Variants in PLCB1 observed in about 807,000 individuals in gnomAD.
The protein encoded by PLCB1 is phospholipase C beta 1.
In PLCB1, 46 loss-of-function variants were observed where a neutral mutation model predicts 161.8. The ratio of observed to expected loss-of-function variants is 0.28; its 90% confidence interval spans 0.22 to 0.36. The LOEUF is 0.36. Ranked by LOEUF, PLCB1 falls within the 10% of genes least tolerant of loss-of-function variation. The pLI, the probability that PLCB1 is intolerant of heterozygous loss-of-function variation, is 1.00. For synonymous variants in PLCB1, 517 were observed against 503.7 expected, an observed-to-expected ratio of 1.03 and a Z score of -0.35; for missense variants, 1,016 against 1,472.5, an observed-to-expected ratio of 0.69 and a Z score of 5.07.
chr20:8,487,683 C>T (rs1355332357), intron 3 of PLCB1, among the ~76,000 whole-genome samples: 1 of 152,170 alleles, frequency 6.6e-6, no homozygotes. Flanking sequence ...ATCTGTTCTT[C>T]AGCTCCTCAG....
chr20:8,682,406 G>A (rs949984110), intron 9 of PLCB1, among the ~76,000 whole-genome samples: 1 of 152,172 alleles, frequency 6.6e-6, no homozygotes, highest in African/African-American at 2.4e-5. Flanking sequence ...GGAGGCTGAG[G>A]CAGGAGGATT....
chr20:8,341,124 A>G (rs966447075), intron 2 of PLCB1, among the ~76,000 whole-genome samples: 9 of 151,828 alleles, frequency 5.9e-5, no homozygotes, highest in African/African-American at 1.4e-4. Flanking sequence ...ACACATCACA[A>G]AGCTTCTCTT....
At chr20:8,421,325 CA>C (rs1979529724) in intron 3 of PLCB1, among the ~76,000 whole-genome samples, 1 of 152,108 alleles carries the variant, frequency 6.6e-6, no homozygotes, top group African/African-American at 2.4e-5. Flanking sequence ...AAAATTAGTA[CA>C]AAACATTGGG....
intron 23 of PLCB1, among the ~76,000 whole-genome samples, chr20:8,745,081 G>A (rs921180158): frequency 6.6e-6 from 1 of 152,094 alleles, no homozygotes; most frequent in African/African-American, 2.4e-5. Flanking sequence ...GAATCACATG[G>A]AGTCTATATT....
At chr20:8,499,049 A>G (rs2122804101) in intron 3 of PLCB1, among the ~76,000 whole-genome samples, 1 of 152,370 alleles carries the variant, frequency 6.6e-6, no homozygotes, top group South Asian at 2.1e-4. Context: ...AAACCCAAGA[A>G]AAAATAAGAT....
chr20:8,564,832 AAAC>A (rs1215421648), intron 3 of PLCB1, among the ~76,000 whole-genome samples: 1 of 152,198 alleles, frequency 6.6e-6, no homozygotes, highest in Non-Finnish European at 1.5e-5. Flanking sequence ...ACAAATCAGG[AAAC>A]AACAGATGCT....
At chr20:8,154,106 T>C (rs2051536257) in intron 2 of PLCB1, among the ~76,000 whole-genome samples, 4 of 152,168 alleles carry the variant, frequency 2.6e-5, no homozygotes, top group African/African-American at 9.7e-5. Context: ...AAATATTTCA[T>C]TTTGTTTTGC....
chr20:8,720,091 G>A lies in PLCB1; in HGVS notation c.1513+2243G>A, dbSNP rs971582789. ...GTAAAAATGTTCTCTTTGAAGTTTG[G>A]AAGTGAGTATCATTAACAGGCCTTT... On this transcript the variant is annotated intron_variant, in intron 14 of 31. Transcript: ENST00000338037. 7.9e-5 allele frequency among the ~76,000 whole-genome samples: 12 copies of A among 152,200 alleles called. No individual in the cohort carries two copies. The East Asian group carries it at 2.3e-3, about 29-fold the overall frequency.
At chr20:8,362,706 A>G (rs898115104) in intron 2 of PLCB1, among the ~76,000 whole-genome samples, 8 of 152,224 alleles carry the variant, frequency 5.3e-5, no homozygotes, top group African/African-American at 1.9e-4. Context: ...TTAACTGCAT[A>G]TCTGCTGATA....
rs778017927 is a variant in PLCB1 at position 8,802,098 on chromosome 20, G to A, written c.3423+11837G>A. ...ATTCTTGTCGGAAACTTGCCATGAG[G>A]ATCCCTCTGTTTCCCCCAACTTTAC... On this transcript the variant is annotated intron_variant, in intron 31 of 31. Transcript: ENST00000338037. 2.5e-6 allele frequency: 4 copies of A among 1,613,030 alleles called. No individual in the cohort carries two copies. In the East Asian group the frequency reaches 6.7e-5, roughly 27 times the overall value.
chr20:8,243,659 A>G (rs546000870), intron 2 of PLCB1, among the ~76,000 whole-genome samples: 1 of 151,888 alleles, frequency 6.6e-6, no homozygotes, highest in East Asian at 2.0e-4. Flanking sequence ...AAACCACTCT[A>G]TTTTGTTCAT....
chr20:8,555,683 C>T (rs1985928953), intron 3 of PLCB1, among the ~76,000 whole-genome samples: 1 of 152,008 alleles, frequency 6.6e-6, no homozygotes, highest in Admixed American at 6.6e-5. Context: ...TAAGGTAAAG[C>T]CAACTGTGTA....
At chr20:8,482,092 A>ATTTTTTTTTTTTTTTTTTTTTTT (rs199634903) in intron 3 of PLCB1, among the ~76,000 whole-genome samples, 1 of 104,886 alleles carries the variant, frequency 9.5e-6, no homozygotes, top group Non-Finnish European at 1.8e-5. Flanking sequence ...GCTTGAAGGA[A>ATTTTTTTTTTTTTTTTTTTTTTT]TTTTTTTTTT....
intron 24 of PLCB1, among the ~76,000 whole-genome samples, chr20:8,758,567 C>T (rs981614149): frequency 1.3e-5 from 2 of 151,344 alleles, no homozygotes; most frequent in Non-Finnish European, 1.5e-5. Context: ...AGTGACAGAG[C>T]GAGGCTCCAT....
At chr20:8,171,266 T>C (rs1042771919) in intron 2 of PLCB1, among the ~76,000 whole-genome samples, 2 of 152,190 alleles carry the variant, frequency 1.3e-5, no homozygotes, top group African/African-American at 4.8e-5. Flanking sequence ...ATACTTAAAA[T>C]GCATATACAT....
intron 3 of PLCB1, among the ~76,000 whole-genome samples, chr20:8,587,843 G>GTA (rs1167449648): frequency 1.3e-5 from 2 of 152,174 alleles, no homozygotes; most frequent in South Asian, 4.1e-4. Context: ...GCCAGAGATT[G>GTA]TAGTTAGTAA....
chr20:8,572,563 C>T (rs941882829), intron 3 of PLCB1, among the ~76,000 whole-genome samples: 22 of 152,186 alleles, frequency 1.4e-4, no homozygotes, highest in Admixed American at 3.9e-4. Flanking sequence ...ATTGAACTCT[C>T]ATTGTGGATC....
At position 8,443,622 on chromosome 20, in the gene PLCB1, G is replaced by C. The variant is rs533605358; in HGVS notation, c.246+72172G>C. Reference sequence around the variant, plus strand: ...CATTATTCTGGCTCCCTGAGCAACTGACTTCAGTCTGAGTTTCACCAGTGG... The same window carrying C: ...CATTATTCTGGCTCCCTGAGCAACTCACTTCAGTCTGAGTTTCACCAGTGG... On this transcript the variant is annotated intron_variant, in intron 3 of 31. Coordinates refer to ENST00000338037, the MANE Select transcript of PLCB1 (RefSeq NM_015192.4). Among the ~76,000 whole-genome samples the C allele has an allele frequency of 5.5e-4, 83 of 152,268 alleles. No homozygotes were observed. The South Asian group carries it at 9.5e-3, about 18-fold the overall frequency.
intron 3 of PLCB1, among the ~76,000 whole-genome samples, chr20:8,470,277 A>G (rs949565159): frequency 4.6e-5 from 7 of 152,176 alleles, no homozygotes; most frequent in African/African-American, 1.7e-4. Context: ...TATCTTTGGT[A>G]TATACCCAGG....
Sources: gnomAD v4.1 joint callset for allele counts (sites outside exome capture counted in the v4.1 genomes callset) on GRCh38, gnomAD v4.1.1 for gene constraint, MANE v1.5 for transcripts, NCBI Gene and HGNC (gene_info 2026-07-23, HGNC 2026-07-21) for gene names.